The following ACSBG1 variants were observed in gnomAD, a reference collection of about 807,000 sequenced individuals.
The protein encoded by ACSBG1 is long-chain-fatty-acid--CoA ligase ACSBG1.
Under a neutral mutation model 80.2 loss-of-function variants are expected in ACSBG1, and 39 were observed. The ratio of observed to expected loss-of-function variants is 0.49; its 90% confidence interval spans 0.38 to 0.64. ACSBG1 has a LOEUF of 0.64. Among genes scored for constraint, ACSBG1 ranks in the 30% least tolerant of loss-of-function variants. ACSBG1 has a pLI of 0.00. For synonymous variants in ACSBG1, 392 were observed against 379.5 expected (o/e 1.03, Z -0.38); for missense variants, 828 against 966.4 (o/e 0.86, Z 1.90).
chr15:78,185,000 CAGACAGAGGG>C (rs1325232139), intron 5 of ACSBG1, among the ~76,000 whole-genome samples: 2 of 143,826 alleles, frequency 1.4e-5, no homozygotes, highest in African/African-American at 5.2e-5. Flanking sequence ...ATGGGAGAGA[CAGACAGAGGG>C]AGAGAGAGGG....
intron 2 of ACSBG1, among the ~76,000 whole-genome samples, chr15:78,195,448 T>C (rs2075104695): frequency 6.7e-6 from 1 of 148,618 alleles, no homozygotes; most frequent in Non-Finnish European, 1.5e-5. Flanking sequence ...GGACATTGTC[T>C]GGGGTGCCAC....
intron 5 of ACSBG1, among the ~76,000 whole-genome samples, chr15:78,191,364 T>A (rs12442037): frequency 0.046 from 7,070 of 152,162 alleles, 278 homozygotes; most frequent in East Asian, 0.17. Flanking sequence ...AGACAGAAAA[T>A]CAATAGAGAT....
chr15:78,225,514 T>G (rs1362169423), intron 1 of ACSBG1, among the ~76,000 whole-genome samples: 1 of 151,568 alleles, frequency 6.6e-6, no homozygotes, highest in East Asian at 1.9e-4. Flanking sequence ...TAAGAAAAAA[T>G]GTGCAAGATA....
intron 13 of ACSBG1, 105 bp downstream of exon 13, chr15:78,173,488 G>T: frequency 2.0e-6 from 3 of 1,490,138 alleles, no homozygotes; most frequent in Non-Finnish European, 2.7e-6. Flanking sequence ...TTCCTGCCAT[G>T]ACCTTCTCTT....
In ACSBG1 at chr15:78,177,558, A is replaced by G. The variant is rs151141273; in HGVS notation, c.1702+1056T>C. Among the ~76,000 whole-genome samples the G allele has an allele frequency of 8.1e-4, 124 of 152,214 alleles. No homozygotes were observed. The highest frequency in any genetic ancestry group is 2.7e-3 in the African/African-American group (111 of 41,524). On this transcript the variant is annotated intron_variant, in intron 11 of 13. Transcript: ENST00000258873. This position sits in a 1 kb window ranked among gnomAD's most constrained non-coding sequence, Gnocchi z 4.1. ...ATCGGCCATTACAAAGAGGCACACTAGGCGGCGCCCATGGCACATCCAAGC... is the reference window on the plus strand; with the variant it reads ...ATCGGCCATTACAAAGAGGCACACTGGGCGGCGCCCATGGCACATCCAAGC...
chr15:78,214,586 T>C (rs1398689649), intron 1 of ACSBG1, among the ~76,000 whole-genome samples: 3 of 152,118 alleles, frequency 2.0e-5, no homozygotes, highest in Non-Finnish European at 2.9e-5. Flanking sequence ...ATTATAGGTG[T>C]GCACCACCGT....
rs1292452930 is a variant in ACSBG1, at chr15:78,234,538, C to T, written c.-37G>A. The T allele has an allele frequency of 1.9e-6, 3 of 1,586,216 alleles. No homozygotes were observed. On this transcript the variant is annotated 5_prime_UTR_variant, in exon 1 of 14. Transcript: ENST00000258873. ...TTCCACTGAAGACAGCTCAGTCACC[C>T]ACTGAGAGAGGCTAGCCTTGAGTGA...
intron 5 of ACSBG1, among the ~76,000 whole-genome samples, chr15:78,186,549 T>C (rs1357350981): frequency 1.3e-5 from 2 of 152,126 alleles, no homozygotes; most frequent in African/African-American, 4.8e-5. Flanking sequence ...ACATGGAAAC[T>C]GAACAACCTG....
chr15:78,187,344 T>C (rs2075014227), intron 5 of ACSBG1, among the ~76,000 whole-genome samples: 1 of 152,290 alleles, frequency 6.6e-6, no homozygotes, highest in East Asian at 1.9e-4. Flanking sequence ...ATCATCCTGA[T>C]ACCAAAGCCT....
rs1286922680 is a variant in ACSBG1, at chr15:78,182,145, T to C, written c.895A>G (p.Ile299Val). The C allele has an allele frequency of 1.2e-6, 2 of 1,607,374 alleles. No individual in the cohort carries two copies. Among genetic ancestry groups the C allele is most frequent in the African/African-American group, 1.3e-5 (1 of 74,914 alleles). The change falls in exon 8 of 14, where the codon ATC becomes GTC. Residue 299 changes from isoleucine (I) to valine (V), a missense_variant and splice_region_variant. Physicochemically the swap from Ile to Val is conservative, Grantham distance 29 (BLOSUM62 3). Around this residue, in one of 3 missense-constraint regions of ACSBG1, gnomAD observed 271 missense variants for 375.9 expected, o/e 0.72. Coordinates refer to ENST00000258873, the MANE Select transcript of ACSBG1 (RefSeq NM_015162.5). ...CTGCCGTACCGTGCCGTCCACGTGA[T>C]CTGGAGGACAAGTAGATGGATCCCA... Reference protein sequence around the residue: ...PKGVMLSQDNITWTARYGSQA... With the variant: ...PKGVMLSQDNVTWTARYGSQA...
At chr15:78,201,626 G>T (rs1024872332) in intron 2 of ACSBG1, among the ~76,000 whole-genome samples, 7 of 152,200 alleles carry the variant, frequency 4.6e-5, no homozygotes, top group Non-Finnish European at 7.3e-5. Flanking sequence ...TTCTAGCCTG[G>T]GGTGTGCAAT....
At chr15:78,199,503 C>A (rs1567089262) in intron 2 of ACSBG1, among the ~76,000 whole-genome samples, 1 of 151,964 alleles carries the variant, frequency 6.6e-6, no homozygotes. Context: ...ACAGCTTGAA[C>A]AATAGAGAGA....
At chr15:78,171,656 G>T in intron 13 of ACSBG1, 127 bp from the exon 14 acceptor site, 3 of 721,604 alleles carry the variant, frequency 4.2e-6, no homozygotes, top group African/African-American at 1.8e-5. Flanking sequence ...AGGACCGTCA[G>T]TAGCCAGCCT....
chr15:78,211,113 T>C (rs1437478878), intron 1 of ACSBG1, among the ~76,000 whole-genome samples: 3 of 152,234 alleles, frequency 2.0e-5, no homozygotes, highest in African/African-American at 7.2e-5. Flanking sequence ...ATGTTTTCTT[T>C]GAAGAAAAGA....
At chr15:78,193,378 C>T in intron 5 of ACSBG1, 128 bp downstream of exon 5, 1 of 1,364,818 alleles carries the variant, frequency 7.3e-7, no homozygotes, top group East Asian at 2.4e-5. Flanking sequence ...GCTGTGTATG[C>T]ATTAGAGGGT....
intron 2 of ACSBG1, among the ~76,000 whole-genome samples, chr15:78,197,443 G>A (rs373855470): frequency 5.3e-5 from 8 of 152,068 alleles, no homozygotes; most frequent in Non-Finnish European, 7.4e-5. Flanking sequence ...GAGAGGGCCC[G>A]CATGGTGGCT....
intron 5 of ACSBG1, among the ~76,000 whole-genome samples, chr15:78,183,434 G>A (rs1173192113): frequency 2.0e-5 from 3 of 152,024 alleles, no homozygotes; most frequent in Admixed American, 6.5e-5. Context: ...AAAATTAGCC[G>A]GGTGTGGTGG....
At chr15:78,218,924 G>T (rs907873849) in intron 1 of ACSBG1, among the ~76,000 whole-genome samples, 7 of 150,346 alleles carry the variant, frequency 4.7e-5, no homozygotes, top group African/African-American at 1.7e-4. Context: ...AAATTCTCCT[G>T]TCTCAGCCTC....
chr15:78,205,239 C>T (rs1234889748), intron 2 of ACSBG1, among the ~76,000 whole-genome samples: 2 of 150,734 alleles, frequency 1.3e-5, no homozygotes, highest in African/African-American at 2.4e-5. Context: ...GGCCTGACTT[C>T]GCACAGCTGC....
Sources: allele counts gnomAD v4.1 joint callset (sites outside exome capture counted in the v4.1 genomes callset), GRCh38; gene constraint gnomAD v4.1.1; regional missense constraint gnomAD v4.1.1; non-coding constraint Gnocchi (gnomAD v3.1); transcripts MANE v1.5; gene names NCBI Gene and HGNC (gene_info 2026-07-23, HGNC 2026-07-21).